PAIP2B: variants seen among roughly 807,000 people sequenced by gnomAD.
PAIP2B encodes poly(A) binding protein interacting protein 2B, also known as polyadenylate-binding protein-interacting protein 2B.
In PAIP2B, 13 loss-of-function variants were observed where a neutral mutation model predicts 17.0. That is an observed-to-expected ratio of 0.76 (90% CI 0.50 to 1.22). The LOEUF (loss-of-function observed/expected upper bound fraction) is 1.22. PAIP2B is among the 50% of genes most tolerant of loss of function. PAIP2B has a pLI of 0.00. For missense variants in PAIP2B, 117 were observed against 144.5 expected (o/e 0.81, Z 0.98); for synonymous variants, 43 against 48.7 (o/e 0.88, Z 0.48).
chr2:71,210,823 A>G (rs1442428004), intron 1 of PAIP2B, among the ~76,000 whole-genome samples: 1 of 152,216 alleles, frequency 6.6e-6, no homozygotes, highest in East Asian at 1.9e-4. Context: ...CACTGAGGAA[A>G]TGGAATCTGA....
chr2:71,191,935 C>G (rs755242547), intron 2 of PAIP2B, among the ~76,000 whole-genome samples: 30 of 152,314 alleles, frequency 2.0e-4, no homozygotes, highest in Admixed American at 5.2e-4. Context: ...CAACCCTCAC[C>G]TCATGTACTT....
chr2:71,224,206 T>A (rs1459919463), intron 1 of PAIP2B, among the ~76,000 whole-genome samples: 1 of 152,204 alleles, frequency 6.6e-6, no homozygotes, highest in East Asian at 1.9e-4. Flanking sequence ...CTCTGGCACC[T>A]GTTAGTAGAG....
In PAIP2B at chr2:71,220,629, C is replaced by T. The variant is rs1397893295; in HGVS notation, c.-12+6299G>A. 3.3e-5 allele frequency among the ~76,000 whole-genome samples: 5 copies of T among 152,306 alleles called. No individual in the cohort carries two copies. The East Asian group carries it at 5.8e-4, about 18-fold the overall frequency. ...TATATTTGTATAGTGCTCCAGAGTG[C>T]TCAAATATCACTTCGTTTTTAAAAA... On this transcript the variant is annotated intron_variant, in intron 1 of 3. Coordinates refer to ENST00000244221, the MANE Select transcript of PAIP2B (RefSeq NM_020459.1).
rs1674583529 is a variant in PAIP2B at position 71,187,962 on chromosome 2, A to AATGT, written c.*516_*517insACAT. 2 of 155,566 alleles carry AATGT rather than the reference A, an allele frequency of 1.3e-5. No individual in the cohort carries two copies. Among genetic ancestry groups the AATGT allele is most frequent in the Non-Finnish European group, 2.9e-5 (2 of 69,854 alleles). The allele number at this position is 155,566 out of a possible 1,614,324, so 9.6% of individuals were successfully genotyped here. On this transcript the variant is annotated 3_prime_UTR_variant, in exon 4 of 4. Transcript: ENST00000244221. ...GGCTTGACAGCACATTGGTTATCCG[A>AATGT]GTTCATTGCAGGAGACCCCGGGGGT...
In PAIP2B at chr2:71,187,503, C is replaced by T. The variant is rs1368665943; in HGVS notation, c.*976G>A. The T allele has an allele frequency of 6.6e-6, 1 of 152,086 alleles. No individual in the cohort carries two copies. Among genetic ancestry groups the T allele is most frequent in the Non-Finnish European group, 1.5e-5 (1 of 68,028 alleles). The allele number at this position is 152,086 out of a possible 1,614,324, so 9.4% of individuals were successfully genotyped here. On this transcript the variant is annotated 3_prime_UTR_variant, in exon 4 of 4. Coordinates refer to ENST00000244221, the MANE Select transcript of PAIP2B (RefSeq NM_020459.1). ...ATATTTCCTTAAAAAAGTGCATAAA[C>T]TTGTCTGAGGGAATTAAGACACCAG...
At chr2:71,224,528 T>C (rs987025408) in intron 1 of PAIP2B, among the ~76,000 whole-genome samples, 4 of 152,022 alleles carry the variant, frequency 2.6e-5, no homozygotes, top group African/African-American at 9.7e-5. Context: ...AGAAACAGAA[T>C]TTCACCAAGC....
At chr2:71,224,509 A>G (rs1282378004) in intron 1 of PAIP2B, among the ~76,000 whole-genome samples, 3 of 152,218 alleles carry the variant, frequency 2.0e-5, no homozygotes, top group Non-Finnish European at 4.4e-5. Context: ...GCAGGCTTCA[A>G]GATTTTGAAG....
chr2:71,219,785 C>T (rs1675531089), intron 1 of PAIP2B, among the ~76,000 whole-genome samples: 1 of 152,202 alleles, frequency 6.6e-6, no homozygotes, highest in Non-Finnish European at 1.5e-5. Context: ...AAATCCCATT[C>T]ATAGTCCTAT....
intron 2 of PAIP2B, among the ~76,000 whole-genome samples, chr2:71,199,896 A>G (rs1218844429): frequency 6.6e-6 from 1 of 152,192 alleles, no homozygotes; most frequent in Non-Finnish European, 1.5e-5. Flanking sequence ...GTTGGAGGAT[A>G]TAAGCCATTC....
At chr2:71,193,655 C>A (rs775281006) in intron 2 of PAIP2B, among the ~76,000 whole-genome samples, 1 of 152,046 alleles carries the variant, frequency 6.6e-6, no homozygotes, top group Admixed American at 6.5e-5. Flanking sequence ...AGACTGAGAC[C>A]ATCCTGGCTA....
intron 1 of PAIP2B, among the ~76,000 whole-genome samples, chr2:71,209,749 A>G (rs999268662): frequency 6.6e-6 from 1 of 152,190 alleles, no homozygotes; most frequent in Admixed American, 6.5e-5. Flanking sequence ...ACACACATAC[A>G]CAAACACAAA....
At chr2:71,203,709 A>G (rs986413818) in intron 1 of PAIP2B, among the ~76,000 whole-genome samples, 3 of 151,530 alleles carry the variant, frequency 2.0e-5, no homozygotes, top group Non-Finnish European at 4.4e-5. Flanking sequence ...AACATTTATT[A>G]TATTTGTTAT....
chr2:71,212,251 A>C (rs1675320300), intron 1 of PAIP2B, among the ~76,000 whole-genome samples: 1 of 152,216 alleles, frequency 6.6e-6, no homozygotes, highest in East Asian at 1.9e-4. Context: ...TCCGAGCCTA[A>C]GGTCTTCCCC....
At chr2:71,210,265 A>G (rs1441699362) in intron 1 of PAIP2B, among the ~76,000 whole-genome samples, 1 of 152,226 alleles carries the variant, frequency 6.6e-6, no homozygotes, top group Non-Finnish European at 1.5e-5. Context: ...AAAAAAGAGA[A>G]AGGGGGAGTA....
At chr2:71,203,774 T>A (rs982271667) in intron 1 of PAIP2B, among the ~76,000 whole-genome samples, 2 of 151,794 alleles carry the variant, frequency 1.3e-5, no homozygotes, top group Non-Finnish European at 2.9e-5. Context: ...AAAATAAATA[T>A]GTTATTCATT....
intron 1 of PAIP2B, among the ~76,000 whole-genome samples, chr2:71,213,459 A>G (rs1405736853): frequency 6.6e-6 from 1 of 152,186 alleles, no homozygotes; most frequent in African/African-American, 2.4e-5. Flanking sequence ...GACGAGGGTA[A>G]GGTCAGAACA....
intron 1 of PAIP2B, among the ~76,000 whole-genome samples, chr2:71,219,115 A>G (rs1465373498): frequency 8.1e-6 from 1 of 124,146 alleles, no homozygotes; most frequent in East Asian, 2.4e-4. Flanking sequence ...TATTTTTAGT[A>G]GAGACGGGGT....
chr2:71,200,650 G>A (rs7599549), intron 2 of PAIP2B, among the ~76,000 whole-genome samples: 10,138 of 152,184 alleles, frequency 0.067, 378 homozygotes, highest in African/African-American at 0.093. Flanking sequence ...TACTCAGGAG[G>A]CTAAGGCAAG....
intron 1 of PAIP2B, among the ~76,000 whole-genome samples, chr2:71,224,407 T>C (rs1032211860): frequency 5.9e-5 from 9 of 152,200 alleles, no homozygotes; most frequent in South Asian, 4.1e-4. Context: ...GGCAACTTTA[T>C]AGAATATAAC....
Sources: gnomAD v4.1 joint callset for allele counts (sites outside exome capture counted in the v4.1 genomes callset) on GRCh38, gnomAD v4.1.1 for gene constraint, MANE v1.5 for transcripts, NCBI Gene and HGNC (gene_info 2026-07-23, HGNC 2026-07-21) for gene names.